The following ATP8B4 variants were observed in gnomAD, a reference collection of about 807,000 sequenced individuals.
ATP8B4 encodes probable phospholipid-transporting ATPase IM.
Under a neutral mutation model 145.6 loss-of-function variants are expected in ATP8B4, and 133 were observed. The observed-to-expected ratio is 0.91, with a 90% CI of 0.79 to 1.05. ATP8B4 has a LOEUF of 1.05. Ranked by LOEUF, ATP8B4 falls within the 50% of genes least tolerant of loss-of-function variation. ATP8B4 has a pLI of 0.00. For synonymous variants in ATP8B4, 507 were observed against 492.9 expected, an observed-to-expected ratio of 1.03 and a Z score of -0.38; for missense variants, 1,458 against 1,425.2, an observed-to-expected ratio of 1.02 and a Z score of -0.37.
chr15:49,911,687 C>T (rs1487661227), intron 20 of ATP8B4, among the ~76,000 whole-genome samples: 1 of 152,114 alleles, frequency 6.6e-6, no homozygotes, highest in South Asian at 2.1e-4. Flanking sequence ...ATCAAATGGA[C>T]TGAACAGACA....
intron 2 of ATP8B4, among the ~76,000 whole-genome samples, chr15:50,087,099 AATAT>A (rs1204045911): frequency 1.1e-5 from 1 of 90,904 alleles, no homozygotes; most frequent in Non-Finnish European, 1.8e-5. Context: ...ATATATAATA[AATAT>A]AGATTATATT....
chr15:49,992,213 A>G (rs1599675338), intron 9 of ATP8B4, among the ~76,000 whole-genome samples: 1 of 152,210 alleles, frequency 6.6e-6, no homozygotes, highest in African/African-American at 2.4e-5. Flanking sequence ...TGCCTGGTAC[A>G]TAGTGAGTTC....
At chr15:50,050,618 C>T (rs1233318690) in intron 3 of ATP8B4, among the ~76,000 whole-genome samples, 1 of 150,480 alleles carries the variant, frequency 6.6e-6, no homozygotes, top group Non-Finnish European at 1.5e-5. Flanking sequence ...GACAAATATA[C>T]ATTAAAAAAA....
intron 20 of ATP8B4, chr15:49,902,431 G>A (rs1205130862): frequency 1.3e-5 from 2 of 152,126 alleles, no homozygotes; most frequent in Non-Finnish European, 2.9e-5. Flanking sequence ...TACATACTAA[G>A]TTTAAAAATA....
intron 1 of ATP8B4, among the ~76,000 whole-genome samples, chr15:50,131,028 G>C (rs1269115307): frequency 7.6e-6 from 1 of 131,906 alleles, no homozygotes; most frequent in South Asian, 2.5e-4. Flanking sequence ...TTCTTCACAA[G>C]GCAGCAGGAA....
chr15:50,093,527 C>A (rs2055748892), intron 2 of ATP8B4, among the ~76,000 whole-genome samples: 1 of 151,852 alleles, frequency 6.6e-6, no homozygotes, highest in African/African-American at 2.4e-5. Context: ...GACTACCAAG[C>A]TAACAGGTGG....
At chr15:49,894,679 C>A (rs1289697063) in intron 23 of ATP8B4, among the ~76,000 whole-genome samples, 1 of 152,160 alleles carries the variant, frequency 6.6e-6, no homozygotes, top group Non-Finnish European at 1.5e-5. Flanking sequence ...AGACCCTGAG[C>A]CCCTTTGCCA....
At chr15:49,954,868 C>A (rs570277278) in intron 14 of ATP8B4, among the ~76,000 whole-genome samples, 1 of 152,182 alleles carries the variant, frequency 6.6e-6, no homozygotes, top group East Asian at 1.9e-4. Flanking sequence ...AGGACACCTA[C>A]ACCCATATGC....
intron 9 of ATP8B4, among the ~76,000 whole-genome samples, chr15:49,996,379 T>C (rs114038285): frequency 0.067 from 10,121 of 152,028 alleles, 513 homozygotes; most frequent in African/African-American, 0.14. Flanking sequence ...CCCCAGCAAG[T>C]CTGTATATGG....
intron 2 of ATP8B4, among the ~76,000 whole-genome samples, chr15:50,093,952 T>C (rs967457399): frequency 6.6e-6 from 1 of 152,154 alleles, no homozygotes. Flanking sequence ...TCTAAATTTG[T>C]ATGCATCCAA....
At chr15:50,173,023 C>CGTCCGGG (rs1299927331) in intron 1 of ATP8B4, among the ~76,000 whole-genome samples, 29 of 124,778 alleles carry the variant, frequency 2.3e-4, no homozygotes, top group Admixed American at 8.6e-4. Flanking sequence ...GGGCAGCCCC[C>CGTCCGGG]ATCCGGGAGG....
At chr15:50,068,513 T>C (rs920031435) in intron 3 of ATP8B4, among the ~76,000 whole-genome samples, 1 of 152,330 alleles carries the variant, frequency 6.6e-6, no homozygotes, top group African/African-American at 2.4e-5. Flanking sequence ...GTAAAACTAC[T>C]GGTTAAATCT....
intron 9 of ATP8B4, among the ~76,000 whole-genome samples, chr15:49,993,282 G>A (rs1322243397): frequency 2.6e-5 from 4 of 151,804 alleles, no homozygotes; most frequent in South Asian, 2.1e-4. Context: ...GAAGGAAGAC[G>A]ATGAGATGAG....
intron 14 of ATP8B4, among the ~76,000 whole-genome samples, chr15:49,938,406 T>G (rs1342784874): frequency 6.6e-6 from 1 of 152,066 alleles, no homozygotes. Context: ...AGCAAAAAGT[T>G]GGAGAAAGTT....
chr15:49,966,624 G>A (rs545385214), intron 13 of ATP8B4, among the ~76,000 whole-genome samples: 1 of 152,204 alleles, frequency 6.6e-6, no homozygotes, highest in African/African-American at 2.4e-5. Flanking sequence ...CCAGTCAGGG[G>A]CTTATAGATA....
chr15:50,011,025 C>G (rs1419726218), intron 6 of ATP8B4, 108 bp from the exon 7 acceptor site: 4 of 675,614 alleles, frequency 5.9e-6, no homozygotes, highest in Non-Finnish European at 6.9e-6. Context: ...GCAGGCAAGA[C>G]TTTCCTAGTA....
rs373247159 is a variant in ATP8B4 at position 50,058,595 on chromosome 15, C to T, written c.88-11131G>A. 1.8e-4 allele frequency among the ~76,000 whole-genome samples: 27 copies of T among 152,316 alleles called. No individual in the cohort carries two copies. The South Asian group carries it at 4.6e-3, about 26-fold the overall frequency. ...CTCTACTTCTTATACTAGAGTTCTA[C>T]ATAAATAACACCACCTCAGGGGTAG... On this transcript the variant is annotated intron_variant, in intron 3 of 27. Transcript: ENST00000284509.
At chr15:50,042,543 TC>T (rs2153604042) in intron 5 of ATP8B4, among the ~76,000 whole-genome samples, 1 of 152,252 alleles carries the variant, frequency 6.6e-6, no homozygotes, top group Admixed American at 6.5e-5. Flanking sequence ...AAGTTCATCT[TC>T]CCCCCTTAAA....
chr15:49,954,032 G>A (rs566024774), intron 14 of ATP8B4, among the ~76,000 whole-genome samples: 4 of 152,238 alleles, frequency 2.6e-5, no homozygotes, highest in Admixed American at 2.6e-4. Context: ...AGAGAACCTG[G>A]ATACCTTGGT....
Sources: allele counts gnomAD v4.1 joint callset (sites outside exome capture counted in the v4.1 genomes callset), GRCh38; gene constraint gnomAD v4.1.1; transcripts MANE v1.5; gene names NCBI Gene and HGNC (gene_info 2026-07-23, HGNC 2026-07-21).